The following GSR variants were observed in gnomAD, a reference collection of about 807,000 sequenced individuals.
The protein encoded by GSR is glutathione-disulfide reductase, also known as glutathione reductase, mitochondrial.
GSR carries 48 observed loss-of-function variants against 56.5 expected under a neutral mutation model. That is an observed-to-expected ratio of 0.85 (90% confidence interval 0.67 to 1.08). The LOEUF (loss-of-function observed/expected upper bound fraction) is 1.08. GSR is among the 50% of genes least tolerant of loss of function. The pLI is 0.00. For synonymous variants in GSR, 264 were observed against 270.8 expected (o/e 0.97, Z 0.25); for missense variants, 694 against 703.3 (o/e 0.99, Z 0.15).
intron 1 of GSR, among the ~76,000 whole-genome samples, chr8:30,720,832 T>C (rs144507421): frequency 1.1e-3 from 125 of 117,736 alleles, no homozygotes; most frequent in African/African-American, 3.1e-3. Context: ...TTTTAAAAAG[T>C]GTGACTGGGT....
intron 11 of GSR, among the ~76,000 whole-genome samples, chr8:30,681,403 G>A (rs1233064991): frequency 6.6e-6 from 1 of 152,052 alleles, no homozygotes; most frequent in Non-Finnish European, 1.5e-5. Context: ...TGCAGGCCTG[G>A]TAGTCCCAGC....
chr8:30,724,738 G>C (rs1268329307), intron 1 of GSR, among the ~76,000 whole-genome samples: 2 of 151,992 alleles, frequency 1.3e-5, no homozygotes, highest in East Asian at 3.9e-4. Context: ...GTTTCACCGT[G>C]TTGGCCAGGC....
In GSR at chr8:30,720,171, C is replaced by T. The variant is rs144702284; in HGVS notation, c.306+7359G>A. The stretch of plus-strand genomic sequence containing the variant: ...TGAGGCTGCCATGAGCTATATTGCA[C>T]CACTGCACTCCAGCCTGGGTGACAG... On this transcript the variant is annotated intron_variant, in intron 1 of 12. Transcript: ENST00000221130. Among the ~76,000 whole-genome samples, 556 of 152,138 alleles carry T rather than the reference C, an allele frequency of 3.7e-3. 3 individuals are homozygous for T. Among genetic ancestry groups the T allele is most frequent in the African/African-American group, 0.012 (503 of 41,488 alleles).
chr8:30,700,750 A>AAAAAAAAAAAC (rs1803709491), intron 5 of GSR, among the ~76,000 whole-genome samples: 1 of 139,880 alleles, frequency 7.1e-6, no homozygotes. Flanking sequence ...AAAAAAAAAA[A>AAAAAAAAAAAC]TCGACGTGGC....
Position 30,718,005 on chromosome 8 carries a change from G to A in GSR, c.307-5917C>T, listed in dbSNP as rs530388940. ...AATCCCAGCTACTTGGAAGGCTGAG[G>A]CAGGAGAATCGCTTGAACCCAGGAG... On this transcript the variant is annotated intron_variant, in intron 1 of 12. Coordinates refer to ENST00000221130, the MANE Select transcript of GSR (RefSeq NM_000637.5). Among the ~76,000 whole-genome samples, 9 of 152,078 alleles carry A rather than the reference G, an allele frequency of 5.9e-5. No individual in the cohort carries two copies. In the South Asian group the frequency reaches 1.9e-3, roughly 31 times the overall value.
intron 2 of GSR, among the ~76,000 whole-genome samples, chr8:30,711,811 T>C (rs1389902479): frequency 6.6e-6 from 1 of 151,856 alleles, no homozygotes; most frequent in Non-Finnish European, 1.5e-5. Context: ...CTAGCCTGGG[T>C]GACAAGAACG....
At chr8:30,707,509 A>G (rs1803955928) in intron 4 of GSR, among the ~76,000 whole-genome samples, 1 of 152,172 alleles carries the variant, frequency 6.6e-6, no homozygotes, top group African/African-American at 2.4e-5. Flanking sequence ...ATATTTTAAA[A>G]ATTAGCCAGG....
intron 9 of GSR, among the ~76,000 whole-genome samples, chr8:30,686,484 A>G (rs976346917): frequency 1.3e-5 from 2 of 152,058 alleles, no homozygotes; most frequent in Non-Finnish European, 2.9e-5. Flanking sequence ...CCAGTTCAAA[A>G]TTAGCCTGGG....
intron 1 of GSR, 84 bp downstream of exon 1, chr8:30,727,446 T>C: frequency 7.8e-7 from 1 of 1,275,988 alleles, no homozygotes; most frequent in Non-Finnish European, 1.1e-6. Flanking sequence ...GGGGACAGGA[T>C]CGCCATAGGA....
At chr8:30,685,630 T>A (rs1244956000) in intron 9 of GSR, among the ~76,000 whole-genome samples, 1 of 152,062 alleles carries the variant, frequency 6.6e-6, no homozygotes, top group African/African-American at 2.4e-5. Flanking sequence ...CCTAAGTATA[T>A]ATGAGAAGTA....
intron 9 of GSR, among the ~76,000 whole-genome samples, chr8:30,685,980 T>A (rs1026515089): frequency 1.4e-5 from 1 of 73,458 alleles, no homozygotes; most frequent in African/African-American, 6.0e-5. Context: ...AAAGAGACTC[T>A]GCCTCAAAAA....
intron 1 of GSR, among the ~76,000 whole-genome samples, chr8:30,712,723 C>G (rs1384624072): frequency 6.6e-6 from 1 of 152,176 alleles, no homozygotes; most frequent in Admixed American, 6.6e-5. Context: ...CATTGAGATA[C>G]TGGTGAATAC....
intron 1 of GSR, among the ~76,000 whole-genome samples, chr8:30,717,184 C>T (rs1419001577): frequency 6.6e-6 from 1 of 152,134 alleles, no homozygotes; most frequent in Non-Finnish European, 1.5e-5. Context: ...TTGCCGTGAG[C>T]GGAGATCGTG....
intron 5 of GSR, among the ~76,000 whole-genome samples, chr8:30,702,857 G>A (rs1803788777): frequency 6.6e-6 from 1 of 152,158 alleles, no homozygotes; most frequent in Non-Finnish European, 1.5e-5. Context: ...AGAATCACTT[G>A]AACCCAGGAG....
At chr8:30,708,276 G>A (rs1045200479) in intron 3 of GSR, 135 bp from the exon 4 acceptor site, 6 of 737,044 alleles carry the variant, frequency 8.1e-6, no homozygotes, top group Non-Finnish European at 1.5e-5. Context: ...GAATGTCTCC[G>A]AAGACAGTCA....
At chr8:30,706,216 A>G (rs1345673363) in intron 4 of GSR, among the ~76,000 whole-genome samples, 1 of 151,532 alleles carries the variant, frequency 6.6e-6, no homozygotes, top group African/African-American at 2.4e-5. Flanking sequence ...ATAACCTAAG[A>G]GGGCCAGGAG....
intron 10 of GSR, among the ~76,000 whole-genome samples, chr8:30,683,684 C>T (rs977089337): frequency 6.7e-6 from 1 of 149,556 alleles, no homozygotes; most frequent in Non-Finnish European, 1.5e-5. Flanking sequence ...CACCTGAGCC[C>T]AGGAAGGTTG....
intron 4 of GSR, chr8:30,706,919 T>A (rs2128745191): frequency 6.6e-6 from 1 of 152,174 alleles, no homozygotes. Context: ...GGCAAATCAC[T>A]TGAGGTCAGG....
chr8:30,689,218 G>A lies in GSR; in HGVS notation c.984C>T (p.Cys328=). The part of the protein sequence containing the change: ...PVMTMIPDVD[C]LLWAIGRVPN... ...GGACCCGCCCAATGGCCCAGAGCAGGCAGTCAACATCTGGAATCATGGTCA... is the reference window on the plus strand; with the variant it reads ...GGACCCGCCCAATGGCCCAGAGCAGACAGTCAACATCTGGAATCATGGTCA... Residue 328 remains cysteine, a synonymous_variant, in exon 9 of 13, where the codon TGC becomes TGT. Transcript: ENST00000221130. 6.2e-7 allele frequency: 1 copy of A among 1,613,878 alleles called. No individual in the cohort carries two copies. Among genetic ancestry groups the A allele is most frequent in the Non-Finnish European group, 8.5e-7 (1 of 1,179,760 alleles).
Sources: gnomAD v4.1 joint callset for allele counts (sites outside exome capture counted in the v4.1 genomes callset) on GRCh38, gnomAD v4.1.1 for gene constraint, MANE v1.5 for transcripts, NCBI Gene and HGNC (gene_info 2026-07-23, HGNC 2026-07-21) for gene names.